STK10: variants seen among roughly 807,000 people sequenced by gnomAD.
STK10 encodes serine/threonine-protein kinase 10.
STK10 carries 78 observed loss-of-function variants against 113.8 expected under a neutral mutation model. The observed-to-expected ratio is 0.69, with a 90% CI of 0.57 to 0.83. The LOEUF (loss-of-function observed/expected upper bound fraction) is 0.83, where lower values mean the gene tolerates loss of function less well. STK10 is among the 40% of genes least tolerant of loss of function. The pLI is 0.00. For synonymous variants in STK10, 465 were observed against 494.7 expected, an observed-to-expected ratio of 0.94 and a Z score of 0.80; for missense variants, 1,109 against 1,280.1, an observed-to-expected ratio of 0.87 and a Z score of 2.04.
intron 1 of STK10, among the ~76,000 whole-genome samples, chr5:172,169,531 A>AT (rs1221457637): frequency 6.6e-6 from 1 of 152,146 alleles, no homozygotes; most frequent in Non-Finnish European, 1.5e-5. Flanking sequence ...GGGCAGATGA[A>AT]TGGAAGGATG....
At chr5:172,182,100 C>T (rs376507418) in intron 1 of STK10, among the ~76,000 whole-genome samples, 2 of 151,458 alleles carry the variant, frequency 1.3e-5, no homozygotes, top group African/African-American at 4.8e-5. Flanking sequence ...GTCAGGAGTT[C>T]GAGACCAGCC....
chr5:172,111,223 C>T (rs1237302055), intron 4 of STK10, among the ~76,000 whole-genome samples: 1 of 152,152 alleles, frequency 6.6e-6, no homozygotes, highest in South Asian at 2.1e-4. Flanking sequence ...CTGGCTCCCT[C>T]GCAAACACCA....
chr5:172,174,048 CCTCCCGAGTG>C (rs1770709284), intron 1 of STK10, among the ~76,000 whole-genome samples: 1 of 152,128 alleles, frequency 6.6e-6, no homozygotes, highest in African/African-American at 2.4e-5. Flanking sequence ...CACAATGCGG[CCTCCCGAGTG>C]TAGCCACGTC....
At chr5:172,178,557 T>G (rs1446736332) in intron 1 of STK10, among the ~76,000 whole-genome samples, 2 of 152,194 alleles carry the variant, frequency 1.3e-5, no homozygotes, top group East Asian at 3.9e-4. Context: ...ATACCCGCTG[T>G]ATGAGCTACT....
At chr5:172,080,080 G>A (rs10073551) in intron 12 of STK10, among the ~76,000 whole-genome samples, 25,196 of 151,982 alleles carry the variant, frequency 0.17, 2,302 homozygotes, top group African/African-American at 0.23. Flanking sequence ...GGTAATTCTC[G>A]CAATATTTCA....
chr5:172,168,282 G>A (rs986584120), intron 1 of STK10, among the ~76,000 whole-genome samples: 4 of 152,210 alleles, frequency 2.6e-5, no homozygotes, highest in African/African-American at 7.2e-5. Flanking sequence ...GCGGTCAATC[G>A]CAGGAAGGGC....
intron 2 of STK10, among the ~76,000 whole-genome samples, chr5:172,139,612 T>A (rs1267597967): frequency 6.6e-6 from 1 of 152,086 alleles, no homozygotes. Context: ...GAACAGTCTT[T>A]TTGATAAATG....
intron 2 of STK10, among the ~76,000 whole-genome samples, chr5:172,138,621 G>A (rs1769916517): frequency 6.6e-6 from 1 of 151,954 alleles, no homozygotes; most frequent in Admixed American, 6.6e-5. Flanking sequence ...AATATACTTA[G>A]GAATGTTTAT....
intron 13 of STK10, among the ~76,000 whole-genome samples, chr5:172,062,520 G>GGATAAATC (rs1414428221): frequency 1.4e-5 from 2 of 146,898 alleles, no homozygotes; most frequent in Non-Finnish European, 3.0e-5. Context: ...ATAGATAAAT[G>GGATAAATC]GATAAATCAT....
At chr5:172,136,597 A>AAAATAAATAAATAAATAAAT (rs58897747) in intron 2 of STK10, among the ~76,000 whole-genome samples, 17 of 151,242 alleles carry the variant, frequency 1.1e-4, no homozygotes, top group Non-Finnish European at 1.8e-4. Flanking sequence ...ACTCCGTCTC[A>AAAATAAATAAATAAATAAAT]AAATAAATAA....
chr5:172,071,465 T>G (rs1037302144), intron 12 of STK10, among the ~76,000 whole-genome samples: 3 of 151,874 alleles, frequency 2.0e-5, no homozygotes, highest in South Asian at 2.1e-4. Context: ...ACAGCTATCT[T>G]CAGTAGGGGA....
At chr5:172,096,405 C>T (rs1364003824) in intron 8 of STK10, 21 bp downstream of exon 8, 2 of 1,609,606 alleles carry the variant, frequency 1.2e-6, no homozygotes, top group South Asian at 1.1e-5. Flanking sequence ...CCCCGCTAAG[C>T]CCCACTCTCC....
chr5:172,134,929 AAAAAAG>A (rs1769821991), intron 2 of STK10, among the ~76,000 whole-genome samples: 1 of 151,946 alleles, frequency 6.6e-6, no homozygotes, highest in Admixed American at 6.6e-5. Context: ...ATCTCAAAAA[AAAAAAG>A]AAAAAGAAAA....
intron 1 of STK10, among the ~76,000 whole-genome samples, chr5:172,182,451 G>A (rs1423201837): frequency 6.6e-6 from 1 of 151,816 alleles, no homozygotes; most frequent in East Asian, 1.9e-4. Flanking sequence ...CGTGGGTGCA[G>A]TGGCTCACCA....
chr5:172,160,299 C>A (rs1581185303), intron 1 of STK10, among the ~76,000 whole-genome samples: 1 of 152,020 alleles, frequency 6.6e-6, no homozygotes. Flanking sequence ...CATGGTGAAA[C>A]CCTGTCTCTA....
intron 7 of STK10, among the ~76,000 whole-genome samples, chr5:172,103,847 T>C (rs1367034882): frequency 6.6e-6 from 1 of 152,234 alleles, no homozygotes; most frequent in Non-Finnish European, 1.5e-5. Flanking sequence ...TACCTCTTCA[T>C]TTAATCCTCA....
intron 14 of STK10, among the ~76,000 whole-genome samples, chr5:172,057,766 G>A (rs577475372): frequency 5.1e-4 from 78 of 152,272 alleles, no homozygotes; most frequent in Admixed American, 1.2e-3. Flanking sequence ...CAGCTCCATC[G>A]GTGGGATTAG....
intron 12 of STK10, among the ~76,000 whole-genome samples, 191 bp from the exon 13 acceptor site, chr5:172,065,003 C>T (rs73315818): frequency 0.012 from 1,816 of 152,322 alleles, 38 homozygotes; most frequent in African/African-American, 0.041. Flanking sequence ...CTCCTGCCTG[C>T]CGCTGGTTTC....
chr5:172,078,458 A>G (rs1451313618), intron 12 of STK10, among the ~76,000 whole-genome samples: 2 of 151,854 alleles, frequency 1.3e-5, no homozygotes, highest in Admixed American at 1.3e-4. Context: ...ATTCAAGACC[A>G]GCCTGGGCAA....
Sources: allele counts gnomAD v4.1 joint callset (sites outside exome capture counted in the v4.1 genomes callset), GRCh38; gene constraint gnomAD v4.1.1; transcripts MANE v1.5; gene names NCBI Gene and HGNC (gene_info 2026-07-23, HGNC 2026-07-21).